The following SLC39A11 variants were observed in gnomAD, a reference collection of about 807,000 sequenced individuals.
The protein encoded by SLC39A11 is zinc transporter ZIP11.
Under a neutral mutation model 36.1 loss-of-function variants are expected in SLC39A11, and 33 were observed. That is an observed-to-expected ratio of 0.91 (90% CI 0.69 to 1.22). The LOEUF (loss-of-function observed/expected upper bound fraction) is 1.22, where lower values mean the gene tolerates loss of function less well. Ranked by LOEUF, SLC39A11 falls within the 50% of genes most tolerant of loss-of-function variation. The pLI, the probability that SLC39A11 is intolerant of heterozygous loss-of-function variation, is 0.00. For missense variants in SLC39A11, 432 were observed against 430.3 expected, an observed-to-expected ratio of 1.00 and a Z score of -0.03; for synonymous variants, 166 against 170.3, an observed-to-expected ratio of 0.97 and a Z score of 0.20.
rs113513688 is a variant in SLC39A11, at chr17:72,805,905, T to C, written c.601+43729A>G. On this transcript the variant is annotated intron_variant, in intron 6 of 9. Transcript: ENST00000255559. ...CTGGGACTACAGGCACCTGCCACCA[T>C]GCCCAGCTAATTTTTTTTTGTATTA... 4.8e-3 allele frequency among the ~76,000 whole-genome samples: 723 copies of C among 152,128 alleles called. 4 individuals are homozygous for C. Among genetic ancestry groups the C allele is most frequent in the African/African-American group, 0.015 (628 of 41,498 alleles).
chr17:73,038,544 C>CA (rs35947586), intron 3 of SLC39A11, among the ~76,000 whole-genome samples: 37,132 of 123,716 alleles, frequency 0.3, 4,981 homozygotes, highest in South Asian at 0.34. Flanking sequence ...ACTAAAAATA[C>CA]AAAAAAAAAA....
At chr17:72,671,297 T>C (rs757507917) in intron 7 of SLC39A11, among the ~76,000 whole-genome samples, 6 of 152,210 alleles carry the variant, frequency 3.9e-5, no homozygotes, top group Non-Finnish European at 8.8e-5. Context: ...AGCTTCCCCT[T>C]ACCCTCTCCT....
At chr17:72,791,119 T>C (rs571877431) in intron 6 of SLC39A11, among the ~76,000 whole-genome samples, 106 of 152,112 alleles carry the variant, frequency 7.0e-4, no homozygotes, top group Non-Finnish European at 1.1e-3. Context: ...ATTCTCAGGG[T>C]GGGACACAGC....
Position 72,709,512 on chromosome 17 carries a change from CA to C in SLC39A11, c.671+27137del, listed in dbSNP as rs1250028757. Among the ~76,000 whole-genome samples the C allele has an allele frequency of 3.9e-5, 6 of 152,186 alleles. No homozygotes were observed. In the East Asian group the frequency reaches 1.2e-3, roughly 29 times the overall value. On this transcript the variant is annotated intron_variant, in intron 7 of 9. Coordinates refer to ENST00000255559, the MANE Select transcript of SLC39A11 (RefSeq NM_139177.4). ...TATTGCTTGAGGGTTTCTCCTTGAA[CA>C]GAGATGAGCTGAGCCAAATATCTTC...
rs534988652 is a variant in SLC39A11, at chr17:73,090,281, C to T, written c.-11-1506G>A. Among the ~76,000 whole-genome samples the T allele has an allele frequency of 5.9e-5, 9 of 152,294 alleles. No homozygotes were observed. In the East Asian group the frequency reaches 1.7e-3, roughly 29 times the overall value. On this transcript the variant is annotated intron_variant, in intron 1 of 9. Coordinates refer to ENST00000255559, the MANE Select transcript of SLC39A11 (RefSeq NM_139177.4). ...AGGTCCAGGTGAGCCCAGGTGAGCC[C>T]TGGCTCAGCCCCTGTGCCAGAAACT...
chr17:72,900,052 GAA>G, intron 5 of SLC39A11, among the ~76,000 whole-genome samples: 2 of 140,194 alleles, frequency 1.4e-5, no homozygotes, highest in South Asian at 4.5e-4. Flanking sequence ...GAGAGAAAGA[GAA>G]AGAAAGAAAG....
intron 4 of SLC39A11, among the ~76,000 whole-genome samples, chr17:73,017,661 T>C (rs1809770): frequency 0.98 from 148,865 of 152,256 alleles, 72,867 homozygotes; most frequent in Middle Eastern, 1. Context: ...TGCGGTGAGC[T>C]AAGATCACGC....
At chr17:72,905,172 C>CAAAAAAAAAAAAAAAAAAAAAAAAAA (rs58702930) in intron 5 of SLC39A11, among the ~76,000 whole-genome samples, 1 of 42,918 alleles carries the variant, frequency 2.3e-5, no homozygotes, top group African/African-American at 9.1e-5. Context: ...GACTCCATCT[C>CAAAAAAAAAAAAAAAAAAAAAAAAAA]AAAAAAAAAA....
Position 73,009,180 on chromosome 17 carries a change from G to A in SLC39A11, c.306+22376C>T, listed in dbSNP as rs1039085925. On this transcript the variant is annotated intron_variant, in intron 4 of 9. Coordinates refer to ENST00000255559, the MANE Select transcript of SLC39A11 (RefSeq NM_139177.4). The stretch of plus-strand genomic sequence containing the variant: ...AGATCGAACCCATCCTGGCTAACAC[G>A]GTGAAACCCTGTCTCTACTAAAAAT... Among the ~76,000 whole-genome samples, 9 of 151,602 alleles carry A rather than the reference G, an allele frequency of 5.9e-5. No individual in the cohort carries two copies. In the East Asian group the frequency reaches 9.7e-4, roughly 16 times the overall value.
At chr17:72,992,755 C>T (rs1310814928) in intron 4 of SLC39A11, 2 of 152,070 alleles carry the variant, frequency 1.3e-5, no homozygotes, top group African/African-American at 2.4e-5. Flanking sequence ...TAAGTTACAG[C>T]GTTAGAAAGC....
intron 6 of SLC39A11, among the ~76,000 whole-genome samples, chr17:72,824,068 A>G (rs2714007): frequency 0.049 from 7,480 of 151,294 alleles, 625 homozygotes; most frequent in African/African-American, 0.17. Context: ...TTATACATAA[A>G]CCAGTGATAT....
intron 4 of SLC39A11, among the ~76,000 whole-genome samples, chr17:72,960,420 CAGAT>C (rs1303804105): frequency 8.6e-5 from 13 of 151,888 alleles, no homozygotes; most frequent in Non-Finnish European, 1.5e-4. Context: ...GATAGATTGA[CAGAT>C]AGATAGATAA....
chr17:72,709,239 A>G (rs1359649856), intron 7 of SLC39A11, among the ~76,000 whole-genome samples: 1 of 152,004 alleles, frequency 6.6e-6, no homozygotes, highest in Non-Finnish European at 1.5e-5. Context: ...CGCCCGGCCA[A>G]GCCTTTTTCT....
At chr17:72,867,805 CACAA>C (rs1228906975) in intron 5 of SLC39A11, among the ~76,000 whole-genome samples, 9 of 151,970 alleles carry the variant, frequency 5.9e-5, no homozygotes, top group Non-Finnish European at 1.3e-4. Context: ...CACACCTATG[CACAA>C]ACACACTAGA....
intron 5 of SLC39A11, among the ~76,000 whole-genome samples, chr17:72,877,030 A>G (rs1264211987): frequency 6.6e-6 from 1 of 152,244 alleles, no homozygotes; most frequent in African/African-American, 2.4e-5. Context: ...TAGGCTAAGA[A>G]AAAATGCATA....
chr17:72,844,364 T>G (rs539589513), intron 6 of SLC39A11, among the ~76,000 whole-genome samples: 2 of 152,248 alleles, frequency 1.3e-5, no homozygotes, highest in East Asian at 3.9e-4. Flanking sequence ...GTCAGGGGTT[T>G]AAGTAACATT....
intron 5 of SLC39A11, among the ~76,000 whole-genome samples, chr17:72,892,754 T>C (rs4427866): frequency 0.36 from 54,462 of 152,078 alleles, 10,165 homozygotes; most frequent in East Asian, 0.69. Context: ...AACTGGATAA[T>C]AGACAATTTC....
intron 5 of SLC39A11, among the ~76,000 whole-genome samples, chr17:72,876,208 A>ATCC (rs1184448421): frequency 6.6e-5 from 10 of 152,208 alleles, no homozygotes; most frequent in Non-Finnish European, 1.0e-4. Flanking sequence ...CTCCATCAAG[A>ATCC]TCAATGGGTG....
intron 6 of SLC39A11, among the ~76,000 whole-genome samples, chr17:72,826,325 C>T (rs1226367877): frequency 1.3e-5 from 2 of 152,186 alleles, no homozygotes; most frequent in Middle Eastern, 3.2e-3. Context: ...TTTTCTGAGG[C>T]TTCCTCAGCC....
Sources: gnomAD v4.1 joint callset for allele counts (sites outside exome capture counted in the v4.1 genomes callset) on GRCh38, gnomAD v4.1.1 for gene constraint, MANE v1.5 for transcripts, NCBI Gene and HGNC (gene_info 2026-07-23, HGNC 2026-07-21) for gene names.